Variants in CMIP observed in about 807,000 individuals in gnomAD.
The protein encoded by CMIP is c-Maf inducing protein.
CMIP carries 13 observed loss-of-function variants against 97.3 expected under a neutral mutation model. The ratio of observed to expected loss-of-function variants is 0.13; its 90% CI spans 0.09 to 0.21. The LOEUF (loss-of-function observed/expected upper bound fraction) is 0.21, where lower values mean the gene tolerates loss of function less well. CMIP is among the 10% of genes least tolerant of loss of function. The pLI is 1.00. For synonymous variants in CMIP, 538 were observed against 436.3 expected, an observed-to-expected ratio of 1.23 and a Z score of -2.91; for missense variants, 847 against 1,024.9, an observed-to-expected ratio of 0.83 and a Z score of 2.37.
intron 1 of CMIP, among the ~76,000 whole-genome samples, chr16:81,461,513 G>A (rs1277173565): frequency 1.3e-5 from 2 of 152,134 alleles, no homozygotes; most frequent in African/African-American, 4.8e-5. Flanking sequence ...ATAATCAATT[G>A]TTGTTGGCAT....
chr16:81,589,784 C>G (rs2091439261), intron 1 of CMIP, among the ~76,000 whole-genome samples: 1 of 152,270 alleles, frequency 6.6e-6, no homozygotes, highest in Non-Finnish European at 1.5e-5. Flanking sequence ...AGCCTTCTCT[C>G]TGTCCCTTCC....
At chr16:81,446,970 T>C (rs1183549117) in intron 1 of CMIP, among the ~76,000 whole-genome samples, 1 of 151,980 alleles carries the variant, frequency 6.6e-6, no homozygotes, top group Non-Finnish European at 1.5e-5. Context: ...CTGCAAAGAC[T>C]CCTTTTTCAG....
intron 1 of CMIP, among the ~76,000 whole-genome samples, chr16:81,469,931 T>A (rs1187889870): frequency 2.6e-5 from 4 of 152,166 alleles, no homozygotes; most frequent in African/African-American, 9.7e-5. Flanking sequence ...TGCTGCACCC[T>A]TGACCTTGTC....
chr16:81,652,416 A>T lies in CMIP; in HGVS notation c.639+52A>T, dbSNP rs1039107028. On this transcript the variant is annotated intron_variant, in intron 4 of 20. Coordinates refer to ENST00000537098, the MANE Select transcript of CMIP (RefSeq NM_198390.3). The surrounding 1 kb of genome is among the most constrained non-coding windows in gnomAD (Gnocchi z 5.2). ...ACATTGTTTGCCTTTCCCTCCACCG[A>T]TCACCGGCTCCATGCCAAGCAGCAG... is the stretch of plus-strand genomic sequence containing the variant. 2.0e-6 allele frequency: 3 copies of T among 1,485,554 alleles called. No homozygotes were observed. Among genetic ancestry groups the T allele is most frequent in the Non-Finnish European group, 1.9e-6 (2 of 1,079,850 alleles). 92.0% of individuals were successfully genotyped at this position (1,485,554 alleles called of 1,614,324 possible). A position where few individuals can be genotyped will look rare whatever the true frequency, so the allele number is the denominator to read the frequency against.
chr16:81,649,287 G>A (rs866365396), intron 3 of CMIP, among the ~76,000 whole-genome samples: 7 of 152,258 alleles, frequency 4.6e-5, no homozygotes, highest in African/African-American at 1.7e-4. Flanking sequence ...GGCCCTCCCG[G>A]GAAAGCTGTT....
chr16:81,525,464 T>G (rs190882817), intron 1 of CMIP, among the ~76,000 whole-genome samples: 2 of 152,328 alleles, frequency 1.3e-5, no homozygotes, highest in African/African-American at 4.8e-5. Context: ...TTCCTTAATT[T>G]TTTTTTTATT....
chr16:81,605,632 T>G (rs975233498), intron 1 of CMIP, among the ~76,000 whole-genome samples: 9 of 152,328 alleles, frequency 5.9e-5, no homozygotes, highest in Non-Finnish European at 1.0e-4. Flanking sequence ...TGCTCCTCCT[T>G]GAACACTCCC....
intron 11 of CMIP, among the ~76,000 whole-genome samples, chr16:81,692,744 G>A (rs1271034733): frequency 6.6e-6 from 1 of 152,190 alleles, no homozygotes; most frequent in South Asian, 2.1e-4. Context: ...GCTCTTGGCT[G>A]TGGCAACTGT....
chr16:81,473,417 A>G (rs1348117005), intron 1 of CMIP, among the ~76,000 whole-genome samples: 1 of 152,012 alleles, frequency 6.6e-6, no homozygotes, highest in East Asian at 1.9e-4. Flanking sequence ...GCCCAAGTCA[A>G]CAGTGGTGCG....
At chr16:81,668,850 T>TCACTGCCTTCCACACCCACCTCA (rs148637067) in intron 7 of CMIP, among the ~76,000 whole-genome samples, 40,828 of 120,470 alleles carry the variant, frequency 0.34, 7,786 homozygotes, top group East Asian at 0.6. Flanking sequence ...CACCTCACAC[T>TCACTGCCTTCCACACCCACCTCA]CACTGCCTTC....
rs2091767835 is a variant in CMIP at position 81,607,708 on chromosome 16, A to G, written c.426+16A>G. The G allele has an allele frequency of 3.1e-6, 5 of 1,611,448 alleles. No individual in the cohort carries two copies. Among genetic ancestry groups the G allele is most frequent in the Non-Finnish European group, 1.7e-6 (2 of 1,177,790 alleles). On this transcript the variant is annotated intron_variant, in intron 2 of 20. Transcript: ENST00000537098. ...CTTACTGCAGGTAGGAGAAATAAACATGAACAAGCAGTTTCTTCTCCCTCA... is the reference window on the plus strand; with the variant it reads ...CTTACTGCAGGTAGGAGAAATAAACGTGAACAAGCAGTTTCTTCTCCCTCA...
chr16:81,541,436 A>G (rs1486695634), intron 1 of CMIP, among the ~76,000 whole-genome samples: 2 of 152,202 alleles, frequency 1.3e-5, no homozygotes, highest in Non-Finnish European at 2.9e-5. Flanking sequence ...AGGCCCAGCC[A>G]GTCTAACCAC....
Position 81,491,477 on chromosome 16 carries a change from G to C in CMIP, c.300+45936G>C, listed in dbSNP as rs150337656. Among the ~76,000 whole-genome samples the C allele has an allele frequency of 4.1e-3, 631 of 152,312 alleles. 2 individuals carry two copies. The highest frequency in any genetic ancestry group is 6.4e-3 in the Non-Finnish European group (438 of 68,034). On this transcript the variant is annotated intron_variant, in intron 1 of 20. Transcript: ENST00000537098. ...GCCCTCTGTGGGCTCCAAAGCCCTG[G>C]ACACGAGAATTCTGATTTTCCTTTA...
chr16:81,464,691 C>T (rs8044403), intron 1 of CMIP: 47,937 of 152,080 alleles, frequency 0.32, 8,122 homozygotes, highest in African/African-American at 0.46. Context: ...TTTTCATCAT[C>T]CCCAGCACAA....
intron 1 of CMIP, among the ~76,000 whole-genome samples, chr16:81,472,344 A>G (rs547210719): frequency 2.2e-3 from 338 of 152,360 alleles, no homozygotes; most frequent in Non-Finnish European, 4.0e-3. Context: ...TCAGAACCCC[A>G]GAAGTGCTTC....
At chr16:81,640,861 T>C (rs2092298113) in intron 3 of CMIP, among the ~76,000 whole-genome samples, 1 of 152,050 alleles carries the variant, frequency 6.6e-6, no homozygotes, top group South Asian at 2.1e-4. Flanking sequence ...ATCTTAATTA[T>C]ATCTGCGAAG....
At chr16:81,501,907 A>G (rs1054468592) in intron 1 of CMIP, among the ~76,000 whole-genome samples, 1 of 152,126 alleles carries the variant, frequency 6.6e-6, no homozygotes, top group East Asian at 1.9e-4. Context: ...CCATTCTGCT[A>G]CTAACCGGCA....
At position 81,674,972 on chromosome 16, in the gene CMIP, A is replaced by C. The variant is rs567160822; in HGVS notation, c.1034+2902A>C. ...ATATGTCAATTTAAAAAAAGAAAGA[A>C]AGAAAGAAAGAAAGAAAAGGGTGCC... On this transcript the variant is annotated intron_variant, in intron 9 of 20. Transcript: ENST00000537098. 2.5e-3 allele frequency among the ~76,000 whole-genome samples: 375 copies of C among 152,278 alleles called. 13 individuals are homozygous for C. The South Asian group carries it at 0.075, about 31-fold the overall frequency.
intron 1 of CMIP, among the ~76,000 whole-genome samples, chr16:81,579,862 C>T (rs549288065): frequency 2.7e-4 from 41 of 152,190 alleles, no homozygotes; most frequent in Non-Finnish European, 4.9e-4. Flanking sequence ...AGGCTGAGGC[C>T]GGAGAATGGC....
Sources: gnomAD v4.1 joint callset for allele counts (sites outside exome capture counted in the v4.1 genomes callset) on GRCh38, gnomAD v4.1.1 for gene constraint, Gnocchi (gnomAD v3.1) non-coding constraint, MANE v1.5 for transcripts, NCBI Gene and HGNC (gene_info 2026-07-23, HGNC 2026-07-21) for gene names.